The following MACF1 variants were observed in gnomAD, a reference collection of about 807,000 sequenced individuals.
The protein encoded by MACF1 is microtubule-actin cross-linking factor 1.
In MACF1, 193 loss-of-function variants were observed where a neutral mutation model predicts 854.8. That is an observed-to-expected ratio of 0.23 (90% CI 0.20 to 0.25). The LOEUF (loss-of-function observed/expected upper bound fraction) is 0.25, where lower values mean the gene tolerates loss of function less well. Among genes scored for constraint, MACF1 ranks in the 10% least tolerant of loss-of-function variants. MACF1 has a pLI of 1.00. For synonymous variants in MACF1, 3,185 were observed against 3,226.7 expected (o/e 0.99, Z 0.44); for missense variants, 7,722 against 8,929.1 (o/e 0.86, Z 5.45).
At chr1:39,402,770 C>G (rs1642526838) in intron 58 of MACF1, among the ~76,000 whole-genome samples, 1 of 152,192 alleles carries the variant, frequency 6.6e-6, no homozygotes, top group African/African-American at 2.4e-5. Flanking sequence ...GTGGCCTTGT[C>G]TGCCTCACTA....
chr1:39,236,829 AT>A (rs1644864850), intron 2 of MACF1, among the ~76,000 whole-genome samples: 1 of 152,000 alleles, frequency 6.6e-6, no homozygotes, highest in Non-Finnish European at 1.5e-5. Flanking sequence ...AGCCTGGCTA[AT>A]TTTTGTATTT....
In MACF1 at chr1:39,331,632, T is replaced by G. The variant is rs760910799; in HGVS notation, c.5044T>G (p.Ser1682Ala). The G allele has an allele frequency of 3.1e-6, 5 of 1,614,234 alleles. No individual in the cohort carries two copies. The highest frequency in any genetic ancestry group is 3.4e-6 in the Non-Finnish European group (4 of 1,180,036). Residue 1682 changes from serine to alanine, a missense_variant, in exon 37 of 101, where the codon TCT (serine) becomes GCT (alanine). Coordinates refer to ENST00000564288, the MANE Select transcript of MACF1 (RefSeq NM_001394062.1). ...AGAGGCTTTTCATCAAGGCCTCATT[T>G]CTGCATGGCTTCATTCAGTATTAGA... ...LEEAFHQGLI[S>A]AWLHSVLESY... is the part of the protein sequence containing the mutation.
intron 51 of MACF1, among the ~76,000 whole-genome samples, chr1:39,371,319 CA>C (rs764951315): frequency 0.072 from 5,819 of 81,312 alleles, 104 homozygotes; most frequent in African/African-American, 0.11. Context: ...GACTCTGTCT[CA>C]AAAAAAAAAA....
chr1:39,475,324 C>T (rs1399754549), intron 97 of MACF1, among the ~76,000 whole-genome samples: 2 of 152,046 alleles, frequency 1.3e-5, no homozygotes, highest in African/African-American at 4.8e-5. Context: ...CAAAAATTAG[C>T]CAGGCAAGGT....
chr1:39,243,234 T>C (rs978026534), intron 2 of MACF1, among the ~76,000 whole-genome samples: 1 of 152,220 alleles, frequency 6.6e-6, no homozygotes, highest in Non-Finnish European at 1.5e-5. Flanking sequence ...ATATCTTCTC[T>C]GGACACATTT....
At chr1:39,331,059 T>G in intron 36 of MACF1, 144 bp from the exon 37 acceptor site, 2 of 1,228,276 alleles carry the variant, frequency 1.6e-6, no homozygotes, top group Non-Finnish European at 2.2e-6. Context: ...TTGGGCAGAT[T>G]ATAGGCGTGA....
At chr1:39,337,701 C>T (rs1455829236) in intron 38 of MACF1, among the ~76,000 whole-genome samples, 2 of 148,420 alleles carry the variant, frequency 1.3e-5, no homozygotes, top group African/African-American at 5.0e-5. Flanking sequence ...CGAATAGCTG[C>T]GACTATAGGC....
intron 71 of MACF1, 57 bp from the exon 72 acceptor site, chr1:39,439,217 A>G (rs1644050266): frequency 3.0e-6 from 3 of 991,278 alleles, no homozygotes; most frequent in East Asian, 4.9e-5. Context: ...TTCTGAATAG[A>G]CCAATTTCAG....
intron 2 of MACF1, among the ~76,000 whole-genome samples, chr1:39,134,767 AT>A (rs756096895): frequency 2.1e-4 from 32 of 152,110 alleles, no homozygotes; most frequent in Non-Finnish European, 4.4e-4. Context: ...AATACGCTTG[AT>A]TTTTTTATGA....
intron 2 of MACF1, among the ~76,000 whole-genome samples, chr1:39,095,631 A>G (rs758969668): frequency 6.6e-6 from 1 of 151,070 alleles, no homozygotes; most frequent in Non-Finnish European, 1.5e-5. Flanking sequence ...ATATAATCCC[A>G]GCACTTTGGG....
At chr1:39,344,653 G>A (rs1260611524) in intron 40 of MACF1, among the ~76,000 whole-genome samples, 3 of 152,238 alleles carry the variant, frequency 2.0e-5, no homozygotes, top group South Asian at 2.1e-4. Flanking sequence ...GGGAGGGGTC[G>A]CATGTGCAGT....
chr1:39,283,311 A>C lies in MACF1; in HGVS notation c.808+10A>C. 6.2e-7 allele frequency: 1 copy of C among 1,602,188 alleles called. No individual in the cohort carries two copies. The highest frequency in any genetic ancestry group is 8.6e-7 in the Non-Finnish European group (1 of 1,169,222). ...CTGCTGGATGCAGAAGGTGAGAGGG[A>C]GTTTACTGAACTTGAGTAAGGAACA... is the stretch of plus-strand genomic sequence containing the variant. On this transcript the variant is annotated intron_variant, in intron 8 of 100. Coordinates refer to ENST00000564288, the MANE Select transcript of MACF1 (RefSeq NM_001394062.1). This position sits in a 1 kb window ranked among gnomAD's most constrained non-coding sequence, Gnocchi z 4.5.
At chr1:39,307,018 G>T (rs1031054964) in intron 23 of MACF1, among the ~76,000 whole-genome samples, 13 of 151,700 alleles carry the variant, frequency 8.6e-5, no homozygotes, top group African/African-American at 2.7e-4. Context: ...GGGATCACAG[G>T]TGCATGCCCC....
rs767518438 is a variant in MACF1, at chr1:39,332,610, A to T, written c.6022A>T (p.Ile2008Phe). 14 of 1,614,192 alleles carry T rather than the reference A, an allele frequency of 8.7e-6. No homozygotes were observed. The South Asian group carries it at 1.5e-4, about 18-fold the overall frequency. The change falls in exon 37 of 101, where the codon ATT (isoleucine) becomes TTT (phenylalanine). Residue 2008 changes from isoleucine (I) to phenylalanine (F), a missense_variant. This residue lies in a region of MACF1 where 1,531 missense variants were observed against 1,601.6 expected (regional missense o/e 0.96). Coordinates refer to ENST00000564288, the MANE Select transcript of MACF1 (RefSeq NM_001394062.1). Reference sequence around the variant, plus strand: ...AACAAGTCCTCCAAAAGTGGTTGAAATTGGGCATCAAAGGCAAAAAACTCC... The same window carrying T: ...AACAAGTCCTCCAAAAGTGGTTGAATTTGGGCATCAAAGGCAAAAAACTCC... ...YQTSPPKVVE[I>F]GHQRQKTPEG... is the part of the protein sequence containing the mutation.
intron 74 of MACF1, 60 bp downstream of exon 74, chr1:39,441,385 C>G: frequency 7.1e-7 from 1 of 1,402,604 alleles, no homozygotes; most frequent in Admixed American, 1.8e-5. Flanking sequence ...CCATTTTTGT[C>G]ATTTTTGGAA....
rs565635580 is a variant in MACF1 at position 39,226,782 on chromosome 1, T to C, written c.110-4400T>C. ...AAAAGAAAATCTGTTAACTTTTTCC[T>C]TTTTCATCTGTGTGTTGTTTGACCT... On this transcript the variant is annotated intron_variant, in intron 1 of 100. Coordinates refer to ENST00000564288, the MANE Select transcript of MACF1 (RefSeq NM_001394062.1). Among the ~76,000 whole-genome samples the C allele has an allele frequency of 2.0e-3, 305 of 152,346 alleles. 2 individuals are homozygous for C. The highest frequency in any genetic ancestry group is 7.1e-3 in the African/African-American group (295 of 41,590).
chr1:39,172,100 C>T (rs1024585997), intron 2 of MACF1, among the ~76,000 whole-genome samples: 14 of 152,176 alleles, frequency 9.2e-5, no homozygotes, highest in African/African-American at 3.4e-4. Flanking sequence ...ACATCAGCTG[C>T]AGAAGAGCCA....
intron 2 of MACF1, among the ~76,000 whole-genome samples, chr1:39,109,446 TA>T (rs1218729636): frequency 2.0e-5 from 3 of 151,996 alleles, no homozygotes; most frequent in Admixed American, 6.6e-5. Flanking sequence ...ATTTTTTCTA[TA>T]TTTTTTTTTA....
At chr1:39,100,836 A>C (rs1642051217) in intron 2 of MACF1, among the ~76,000 whole-genome samples, 1 of 152,164 alleles carries the variant, frequency 6.6e-6, no homozygotes, top group African/African-American at 2.4e-5. Flanking sequence ...CCTGGGTGAC[A>C]GAGTGAGACT....
Sources: allele counts gnomAD v4.1 joint callset (sites outside exome capture counted in the v4.1 genomes callset), GRCh38; gene constraint gnomAD v4.1.1; regional missense constraint gnomAD v4.1.1; non-coding constraint Gnocchi (gnomAD v3.1); transcripts MANE v1.5; gene names NCBI Gene and HGNC (gene_info 2026-07-23, HGNC 2026-07-21).